MAF: variants seen among roughly 807,000 people sequenced by gnomAD.
The protein encoded by MAF is transcription factor Maf.
Under a neutral mutation model 22.0 loss-of-function variants are expected in MAF, and 10 were observed. The ratio of observed to expected loss-of-function variants is 0.45; its 90% CI spans 0.28 to 0.77. The LOEUF is 0.77. Ranked by LOEUF, MAF falls within the 30% of genes least tolerant of loss-of-function variation. MAF has a pLI of 0.12. For missense variants in MAF, 544 were observed against 548.4 expected, an observed-to-expected ratio of 0.99 and a Z score of 0.08; for synonymous variants, 337 against 255.8, an observed-to-expected ratio of 1.32 and a Z score of -3.03.
the MAF span, among the ~76,000 whole-genome samples, chr16:79,542,964 C>T: frequency 6.6e-6 from 1 of 152,114 alleles, no homozygotes; most frequent in East Asian, 1.9e-4. Flanking sequence ...TACAGGATTG[C>T]ATATGTGTGT....
the MAF span, among the ~76,000 whole-genome samples, chr16:79,495,405 G>A: frequency 6.6e-6 from 1 of 152,186 alleles, no homozygotes; most frequent in Non-Finnish European, 1.5e-5. Context: ...CAAGGTTGCA[G>A]TGAACCCTGA....
the MAF span, among the ~76,000 whole-genome samples, chr16:79,563,748 CACACACACACACACAA>C: frequency 2.8e-5 from 4 of 145,302 alleles, no homozygotes; most frequent in South Asian, 2.2e-4. Flanking sequence ...CACACACACA[CACACACACACACACAA>C]ACACACACAC....
chr16:79,571,530 ATTTTTTTT>A, the MAF span, among the ~76,000 whole-genome samples: 2 of 103,884 alleles, frequency 1.9e-5, no homozygotes, highest in Non-Finnish European at 3.7e-5. Flanking sequence ...TCTCAGCGGA[ATTTTTTTT>A]TTTTTTTTTT....
chr16:79,430,156 T>C, the MAF span, among the ~76,000 whole-genome samples: 2 of 152,168 alleles, frequency 1.3e-5, no homozygotes, highest in African/African-American at 2.4e-5. Flanking sequence ...TCTCCCTGCA[T>C]CCTCACATTT....
chr16:79,595,464 G>C, intron 1 of MAF: 2 of 1,057,984 alleles, frequency 1.9e-6, no homozygotes, highest in Non-Finnish European at 1.1e-6. Context: ...ATCGTGTTTG[G>C]CTGTATTTTC....
chr16:79,243,008 C>T, the MAF span, among the ~76,000 whole-genome samples: 15 of 152,000 alleles, frequency 9.9e-5, no homozygotes, highest in African/African-American at 2.9e-4. Context: ...CCAATGAGAA[C>T]GAAGACACAA....
the MAF span, among the ~76,000 whole-genome samples, chr16:79,426,879 C>A: frequency 6.6e-6 from 1 of 152,174 alleles, no homozygotes; most frequent in African/African-American, 2.4e-5. Context: ...CACAATGAAG[C>A]TGACATAAAA....
the MAF span, among the ~76,000 whole-genome samples, chr16:79,550,063 T>C: frequency 5.3e-5 from 8 of 152,226 alleles, no homozygotes; most frequent in Middle Eastern, 3.4e-3. Flanking sequence ...TTCCAGCCAC[T>C]CTAGCTTTTC....
the MAF span, among the ~76,000 whole-genome samples, chr16:79,244,056 G>A: frequency 1.3e-5 from 2 of 152,054 alleles, no homozygotes; most frequent in African/African-American, 2.4e-5. Context: ...GGTATTGATG[G>A]AACGTATCTC....
the MAF span, among the ~76,000 whole-genome samples, chr16:79,477,440 A>C: frequency 6.6e-6 from 1 of 152,162 alleles, no homozygotes; most frequent in African/African-American, 2.4e-5. Flanking sequence ...CTTGCGTAGG[A>C]AACATCATTT....
At chr16:79,542,123 A>T in the MAF span, among the ~76,000 whole-genome samples, 2 of 152,214 alleles carry the variant, frequency 1.3e-5, no homozygotes, top group Non-Finnish European at 2.9e-5. Context: ...ACTGCTAATG[A>T]CAATTCAGCG....
the MAF span, among the ~76,000 whole-genome samples, chr16:79,226,243 G>T: frequency 5.1e-4 from 78 of 152,258 alleles, no homozygotes; most frequent in African/African-American, 1.9e-3. Flanking sequence ...CATGGATGAA[G>T]CTGAAAACCA....
At chr16:79,496,223 A>T in the MAF span, among the ~76,000 whole-genome samples, 1 of 152,144 alleles carries the variant, frequency 6.6e-6, no homozygotes, top group South Asian at 2.1e-4. Context: ...TCTTAACTTT[A>T]AAAAAAATAG....
chr16:79,470,081 G>T, the MAF span, among the ~76,000 whole-genome samples: 1 of 152,228 alleles, frequency 6.6e-6, no homozygotes. Context: ...GGCCATGTCA[G>T]GCATTTGTAA....
chr16:79,254,433 C>A, the MAF span, among the ~76,000 whole-genome samples: 41 of 152,126 alleles, frequency 2.7e-4, no homozygotes, highest in Non-Finnish European at 5.7e-4. Context: ...TTTTATTAAG[C>A]ATTTGTTTGC....
chr16:79,208,285 T>A, the MAF span, among the ~76,000 whole-genome samples: 2 of 152,086 alleles, frequency 1.3e-5, no homozygotes, highest in South Asian at 4.2e-4. Flanking sequence ...GTCAACAACC[T>A]AACTCATTGC....
At chr16:79,226,909 A>G in the MAF span, among the ~76,000 whole-genome samples, 1 of 152,104 alleles carries the variant, frequency 6.6e-6, no homozygotes, top group South Asian at 2.1e-4. Flanking sequence ...GCCTCCAGAA[A>G]GTACTCTTGA....
the MAF span, among the ~76,000 whole-genome samples, chr16:79,445,190 T>C: frequency 1.4e-5 from 2 of 143,612 alleles, no homozygotes; most frequent in East Asian, 2.1e-4. Context: ...CCTGCCACCA[T>C]ACCCGTCTAA....
At chr16:79,227,362 C>CAAACA in the MAF span, among the ~76,000 whole-genome samples, 3 of 152,000 alleles carry the variant, frequency 2.0e-5, no homozygotes, top group African/African-American at 7.2e-5. Flanking sequence ...CACAAACAAA[C>CAAACA]AAACAAAACA....
Sources: allele counts gnomAD v4.1 joint callset (sites outside exome capture counted in the v4.1 genomes callset), GRCh38; gene constraint gnomAD v4.1.1; transcripts MANE v1.5; gene names NCBI Gene and HGNC (gene_info 2026-07-23, HGNC 2026-07-21).